The following DGKQ variants were observed in gnomAD, a reference collection of about 807,000 sequenced individuals.
The protein encoded by DGKQ is diacylglycerol kinase theta.
DGKQ carries 97 observed loss-of-function variants against 104.2 expected under a neutral mutation model. The ratio of observed to expected loss-of-function variants is 0.93; its 90% CI spans 0.79 to 1.10. DGKQ has a LOEUF of 1.10. Among genes scored for constraint, DGKQ ranks in the 50% least tolerant of loss-of-function variants. The pLI, the probability that DGKQ is intolerant of heterozygous loss-of-function variation, is 0.00. For synonymous variants in DGKQ, 736 were observed against 595.2 expected, an observed-to-expected ratio of 1.24 and a Z score of -3.44; for missense variants, 1,465 against 1,352.1, an observed-to-expected ratio of 1.08 and a Z score of -1.31.
chr4:967,353 T>G lies in DGKQ; in HGVS notation c.996A>C (p.Ala332=). ...CCTCGGGGATGTGGTGGGCCCGCAG[T>G]GCGGCCTCCTGCAGGGCACCAGGTT... ...LAGAEEVLEA[A]LRAHHIPEDP... Residue 332 remains alanine, a synonymous_variant, in exon 9 of 23, where the codon GCA becomes GCC. Transcript: ENST00000273814. 1 of 1,458,110 alleles carries G rather than the reference T, an allele frequency of 6.9e-7. No individual in the cohort carries two copies. The allele number at this position is 1,458,110 out of a possible 1,614,324, so 90.3% of individuals were successfully genotyped here.
intron 15 of DGKQ, chr4:964,176 C>T (rs1453361953): frequency 1.9e-5 from 3 of 154,536 alleles, no homozygotes; most frequent in African/African-American, 7.2e-5. Flanking sequence ...GGGCTGCATC[C>T]TCGGGACAGT....
rs777058398 is a variant in DGKQ, at chr4:968,809, A to ACCTTC, written c.448_451+1dup. The ACCTTC allele has an allele frequency of 1.2e-6, 2 of 1,608,144 alleles. No homozygotes were observed. The highest frequency in any genetic ancestry group is 1.7e-6 in the Non-Finnish European group (2 of 1,177,830). On this transcript the variant is annotated splice_donor_variant, in intron 3 of 22. Coordinates refer to ENST00000273814, the MANE Select transcript of DGKQ (RefSeq NM_001347.4). LOFTEE classifies it high-confidence loss of function. ...GTGGGGAGCCAGGCAGGCTCCAGGT[A>ACCTTC]CCTTCGCAGTGGAGCGCCGGTGCCT...
At chr4:961,437 G>C (rs1160030515) in intron 21 of DGKQ, 30 bp downstream of exon 21, 3 of 1,560,678 alleles carry the variant, frequency 1.9e-6, no homozygotes, top group Non-Finnish European at 2.6e-6. Flanking sequence ...CCCACCCTGG[G>C]CTCGCCCGCC....
intron 1 of DGKQ, among the ~76,000 whole-genome samples, chr4:972,319 T>C (rs747639855): frequency 2.6e-5 from 4 of 152,108 alleles, no homozygotes; most frequent in Non-Finnish European, 5.9e-5. Context: ...ACAAAGAAGC[T>C]GGCGGGCCAG....
At chr4:963,463 G>A (rs529312187) in intron 15 of DGKQ, among the ~76,000 whole-genome samples, 173 bp from the exon 16 acceptor site, 10 of 152,318 alleles carry the variant, frequency 6.6e-5, no homozygotes, top group Admixed American at 3.9e-4. Context: ...CATGAGCTGC[G>A]TGGTCACCCC....
In DGKQ at chr4:962,071, C is replaced by A; in HGVS notation, c.2226G>T (p.Met742Ile). The change falls in exon 19 of 23, where the codon ATG becomes ATT. Residue 742 changes from methionine to isoleucine, a missense_variant. Transcript: ENST00000273814. ...ADAEPPKIVQ[M>I]SNYCGIGIDA... is the part of the protein sequence containing the mutation. ...CGATGCCAATGCCACAGTAGTTACT[C>A]ATCTGCACGATCTGGGGACAGGGCG... is the stretch of plus-strand genomic sequence containing the variant. The A allele has an allele frequency of 6.2e-7, 1 of 1,611,890 alleles. No homozygotes were observed. Among genetic ancestry groups the A allele is most frequent in the Non-Finnish European group, 8.5e-7 (1 of 1,179,884 alleles).
chr4:972,299 C>G (rs1430278835), intron 1 of DGKQ, among the ~76,000 whole-genome samples: 1 of 152,214 alleles, frequency 6.6e-6, no homozygotes, highest in African/African-American at 2.4e-5. Flanking sequence ...CTGTGCCATG[C>G]TCTGACGTGA....
At position 960,310 on chromosome 4, in the gene DGKQ, A is replaced by T; in HGVS notation, c.*310T>A. The T allele has an allele frequency of 2.2e-6, 1 of 451,908 alleles. No individual in the cohort carries two copies. Among genetic ancestry groups the T allele is most frequent in the Non-Finnish European group, 4.1e-6 (1 of 245,756 alleles). 28.0% of individuals were successfully genotyped at this position (451,908 alleles called of 1,614,324 possible). A position where few individuals can be genotyped will look rare whatever the true frequency, so the allele number is the denominator to read the frequency against. ...GGAGAGGGATGGGTGCCCACCCCTG[A>T]GGAGAGGACCAGGCCCCCACAGGGC... On this transcript the variant is annotated 3_prime_UTR_variant, in exon 23 of 23. Transcript: ENST00000273814.
Position 960,418 on chromosome 4 carries a change from A to T in DGKQ, c.*202T>A. On this transcript the variant is annotated 3_prime_UTR_variant, in exon 23 of 23. Transcript: ENST00000273814. ...CCGCACACCAGTCTCCAGTGGGATG[A>T]GGGCTGTGACACCAACATGTGTCAC... is the stretch of plus-strand genomic sequence containing the variant. 1 of 593,024 alleles carries T rather than the reference A, an allele frequency of 1.7e-6. No homozygotes were observed. Among genetic ancestry groups the T allele is most frequent in the African/African-American group, 1.9e-5 (1 of 53,982 alleles). 36.7% of individuals were successfully genotyped at this position (593,024 alleles called of 1,614,324 possible).
Position 967,359 on chromosome 4 carries a change from C to G in DGKQ, c.990G>C (p.Glu330Asp). Residue 330 changes from glutamate (E) to aspartate (D), a missense_variant and splice_region_variant, in exon 9 of 23, where the codon GAG becomes GAC. Transcript: ENST00000273814. ...GGATGTGGTGGGCCCGCAGTGCGGCCTCCTGCAGGGCACCAGGTTAGAGGG... is the reference window on the plus strand; with the variant it reads ...GGATGTGGTGGGCCCGCAGTGCGGCGTCCTGCAGGGCACCAGGTTAGAGGG... ...SRLAGAEEVL[E>D]AALRAHHIPE... 6.5e-7 allele frequency: 1 copy of G among 1,533,300 alleles called. No individual in the cohort carries two copies. Among genetic ancestry groups the G allele is most frequent in the Non-Finnish European group, 8.7e-7 (1 of 1,145,250 alleles). 95.0% of individuals were successfully genotyped at this position (1,533,300 alleles called of 1,614,324 possible).
At position 965,888 on chromosome 4, in the gene DGKQ, C is replaced by A. The variant is rs1012022191; in HGVS notation, c.1579+40G>T. 2.6e-6 allele frequency: 4 copies of A among 1,550,460 alleles called. No individual in the cohort carries two copies. In the African/African-American group the frequency reaches 4.1e-5, roughly 16 times the overall value. On this transcript the variant is annotated intron_variant, in intron 13 of 22. Coordinates refer to ENST00000273814, the MANE Select transcript of DGKQ (RefSeq NM_001347.4). ...CCCCACTGCCTGCCGCTCGACCCTG[C>A]CCCGTGCCAGCAGCCCACGGCCAGC... is the stretch of plus-strand genomic sequence containing the variant.
intron 8 of DGKQ, 43 bp downstream of exon 8, chr4:967,505 CG>C: frequency 6.3e-7 from 1 of 1,582,780 alleles, no homozygotes; most frequent in South Asian, 1.1e-5. Flanking sequence ...CGGGGACATG[CG>C]GTCCTGGGAG....
At chr4:967,452 G>A in intron 8 of DGKQ, 91 bp from the exon 9 acceptor site, 1 of 1,425,110 alleles carries the variant, frequency 7.0e-7, no homozygotes, top group Non-Finnish European at 9.5e-7. Context: ...CCAGGTGGGT[G>A]AGGGGCGCCA....
rs746018784 is a variant in DGKQ, at chr4:961,529, C to T, written c.2512G>A (p.Glu838Lys). 2 of 1,609,640 alleles carry T rather than the reference C, an allele frequency of 1.2e-6. No individual in the cohort carries two copies. The highest frequency in any genetic ancestry group is 2.2e-5 in the East Asian group (1 of 44,676). ...LWGSDSDTRF[E>K]KPRMDDGLLE... ...AGCCCGTCGTCCATGCGTGGCTTCTCAAACCTGGTGTCGCTGTCGGAGCCC... is the reference window on the plus strand; with the variant it reads ...AGCCCGTCGTCCATGCGTGGCTTCTTAAACCTGGTGTCGCTGTCGGAGCCC... Residue 838 changes from glutamate to lysine, a missense_variant, in exon 21 of 23, where the codon GAG (glutamate) becomes AAG (lysine). Transcript: ENST00000273814.
chr4:962,786 A>G lies in DGKQ; in HGVS notation c.2021T>C (p.Leu674Pro). The change falls in exon 17 of 23, where the codon CTG becomes CCG. Residue 674 changes from leucine (L) to proline (P), a missense_variant. Leu to Pro is a moderately conservative substitution (Grantham distance 98, BLOSUM62 -3). Transcript: ENST00000273814. ...GCTGAGCCCACCTGTGCCCAGGGGC[A>G]GGATGGCCACAGAAGGCTCCGGGCA... is the stretch of plus-strand genomic sequence containing the variant. The part of the protein sequence containing the change: ...LACPEPSVAI[L>P]PLGTGNDLGR... 1 of 1,606,026 alleles carries G rather than the reference A, an allele frequency of 6.2e-7. No homozygotes were observed. The highest frequency in any genetic ancestry group is 1.3e-5 in the African/African-American group (1 of 74,986).
intron 15 of DGKQ, 113 bp downstream of exon 15, chr4:965,063 G>T: frequency 1.3e-6 from 1 of 769,826 alleles, no homozygotes; most frequent in Non-Finnish European, 2.2e-6. Context: ...TCAAGGAAGT[G>T]ATGCCAGATG....
At position 966,906 on chromosome 4, in the gene DGKQ, G is replaced by C. The variant is rs1304984185; in HGVS notation, c.1311+58C>G. 4.5e-6 allele frequency: 7 copies of C among 1,550,114 alleles called. No homozygotes were observed. The African/African-American group carries it at 9.6e-5, about 21-fold the overall frequency. On this transcript the variant is annotated intron_variant, in intron 10 of 22. Transcript: ENST00000273814. ...GCTGGGATGGTGGCCTGGCCTCCTG[G>C]GGACAGCGACCCCCCACCGAGTCTG...
Position 965,516 on chromosome 4 carries a change from G to C in DGKQ, c.1593C>G (p.Ser531=), listed in dbSNP as rs752716017. ...EAGATKATVV[S]VSHIYSSQGA... ...CTTGGGAGGAGTAGATGTGACTCAC[G>C]GACACCACGGTGGCTGCAAAGGCAG... The change falls in exon 14 of 23, where the codon TCC becomes TCG. Residue 531 remains serine, a synonymous_variant. Coordinates refer to ENST00000273814, the MANE Select transcript of DGKQ (RefSeq NM_001347.4). 1 of 1,611,904 alleles carries C rather than the reference G, an allele frequency of 6.2e-7. No individual in the cohort carries two copies. The highest frequency in any genetic ancestry group is 1.3e-5 in the African/African-American group (1 of 75,048).
Position 968,022 on chromosome 4 carries a change from G to T in DGKQ, c.669C>A (p.His223Gln). Residue 223 changes from histidine (H) to glutamine (Q), a missense_variant, in exon 6 of 23, where the codon CAC (histidine) becomes CAA (glutamine). Transcript: ENST00000273814. ...VRCEWCGVQA[H>Q]SLCSAALAPE... Reference sequence around the variant, plus strand: ...GAGCCAGCGCCGCGGAGCAGAGGGAGTGCGCCTGGGGGGAGAAGGGCCTGA... The same window carrying T: ...GAGCCAGCGCCGCGGAGCAGAGGGATTGCGCCTGGGGGGAGAAGGGCCTGA... 1 of 1,432,152 alleles carries T rather than the reference G, an allele frequency of 7.0e-7. No individual in the cohort carries two copies. The highest frequency in any genetic ancestry group is 9.1e-7 in the Non-Finnish European group (1 of 1,102,264). The allele number at this position is 1,432,152 out of a possible 1,614,324, so 88.7% of individuals were successfully genotyped here.
Sources: gnomAD v4.1 joint callset for allele counts (sites outside exome capture counted in the v4.1 genomes callset) on GRCh38, gnomAD v4.1.1 for gene constraint, MANE v1.5 for transcripts, NCBI Gene and HGNC (gene_info 2026-07-23, HGNC 2026-07-21) for gene names.